The following EML1 variants were observed in gnomAD, a reference collection of about 807,000 sequenced individuals.
EML1 encodes the protein EMAP like 1.
A neutral mutation model predicts 110.4 loss-of-function variants in EML1; 27 were observed. The ratio of observed to expected loss-of-function variants is 0.24; its 90% CI spans 0.18 to 0.34. The LOEUF is 0.34. Ranked by LOEUF, EML1 falls within the 10% of genes least tolerant of loss-of-function variation. The pLI is 1.00. For synonymous variants in EML1, 344 were observed against 385.8 expected, an observed-to-expected ratio of 0.89 and a Z score of 1.27; for missense variants, 741 against 1,030.9, an observed-to-expected ratio of 0.72 and a Z score of 3.85.
intron 17 of EML1, among the ~76,000 whole-genome samples, chr14:99,935,821 A>G (rs975662338): frequency 6.7e-6 from 1 of 150,098 alleles, no homozygotes; most frequent in South Asian, 2.1e-4. Flanking sequence ...AACCTTTACC[A>G]GGTTTTATCA....
chr14:99,875,184 G>A (rs940528125), intron 3 of EML1, among the ~76,000 whole-genome samples: 5 of 152,036 alleles, frequency 3.3e-5, no homozygotes, highest in East Asian at 3.9e-4. Context: ...ATACTTTGGC[G>A]GTTCATAAAT....
chr14:99,760,970 A>G (rs1275832126), intron 1 of EML1, among the ~76,000 whole-genome samples: 5 of 151,962 alleles, frequency 3.3e-5, no homozygotes, highest in African/African-American at 1.2e-4. Context: ...GAGAAAGAAA[A>G]ACAGAACCAC....
In EML1 at chr14:99,894,694, G is replaced by C. The variant is rs1284407294; in HGVS notation, c.613G>C (p.Val205Leu). The C allele has an allele frequency of 1.2e-6, 2 of 1,613,692 alleles. No homozygotes were observed. Among genetic ancestry groups the C allele is most frequent in the Non-Finnish European group, 1.7e-6 (2 of 1,179,880 alleles). Residue 205 changes from valine (V) to leucine (L), a missense_variant, in exon 6 of 22, where the codon GTG (valine) becomes CTG (leucine). Transcript: ENST00000262233. Reference protein sequence around the residue: ...PVTMYMPKDQVDSYSLEAKVE... With the variant: ...PVTMYMPKDQLDSYSLEAKVE... Reference sequence around the variant, plus strand: ...TACCATGTACATGCCCAAAGATCAAGTGGATTCTTACAGCTTGGAAGCAAA... The same window carrying C: ...TACCATGTACATGCCCAAAGATCAACTGGATTCTTACAGCTTGGAAGCAAA...
rs540962195 is a variant in EML1 at position 99,936,209 on chromosome 14, A to G, written c.2008-38A>G. ...TGGAACAGTGTTGGCAGGGACTTCT[A>G]AGGCCAATGAAATGAAGACAGTGTT... On this transcript the variant is annotated intron_variant, in intron 18 of 21. Coordinates refer to ENST00000262233, the MANE Select transcript of EML1 (RefSeq NM_004434.3). The surrounding 1 kb of genome is among the most constrained non-coding windows in gnomAD (Gnocchi z 5.5). 1.2e-5 allele frequency: 20 copies of G among 1,612,834 alleles called. 1 individual carries two copies. Among genetic ancestry groups the G allele is most frequent in the Middle Eastern group, 1.7e-4 (1 of 6,058 alleles).
intron 13 of EML1, among the ~76,000 whole-genome samples, chr14:99,911,820 C>T (rs1169484328): frequency 2.0e-5 from 3 of 152,018 alleles, no homozygotes; most frequent in African/African-American, 7.2e-5. Context: ...TCTCAATTTT[C>T]CAAGGGACTG....
chr14:99,778,129 A>G (rs1432987565), intron 1 of EML1, among the ~76,000 whole-genome samples: 1 of 152,144 alleles, frequency 6.6e-6, no homozygotes, highest in Non-Finnish European at 1.5e-5. Context: ...TTAATCTGTT[A>G]ATGTCCTGCC....
Position 99,749,009 on chromosome 14 carries a change from G to A in EML1, c.28+11149G>A, listed in dbSNP as rs139259306. On this transcript the variant is annotated intron_variant, in intron 1 of 10. Transcript: ENST00000554479. ...TCCATCTTCATTCATTCCTATTGCC[G>A]ATTAATACCCCAGCATATGGATATA... 2.1e-3 allele frequency among the ~76,000 whole-genome samples: 325 copies of A among 152,240 alleles called. 1 individual carries two copies. Among genetic ancestry groups the A allele is most frequent in the South Asian group, 0.016 (77 of 4,826 alleles).
At chr14:99,937,124 C>T (rs1283752686) in intron 19 of EML1, among the ~76,000 whole-genome samples, 1 of 152,226 alleles carries the variant, frequency 6.6e-6, no homozygotes, top group African/African-American at 2.4e-5. Flanking sequence ...GTCACACTCA[C>T]TTGAGCGTCC....
chr14:99,840,283 C>A (rs2058612640), intron 1 of EML1, among the ~76,000 whole-genome samples: 1 of 152,124 alleles, frequency 6.6e-6, no homozygotes. Context: ...TGTAAAAATT[C>A]TATGTGTATT....
chr14:99,897,048 T>A, intron 6 of EML1, 97 bp from the exon 7 acceptor site: 1 of 1,107,020 alleles, frequency 9.0e-7, no homozygotes, highest in Admixed American at 2.9e-5. Context: ...CTGATGGTAA[T>A]AGTTATATGG....
At chr14:99,788,423 T>C (rs1227067101), upstream of EML1, among the ~76,000 whole-genome samples, 1 of 152,178 alleles carries the variant, frequency 6.6e-6, no homozygotes, top group Non-Finnish European at 1.5e-5. Context: ...AATTGTCTAT[T>C]CCATTTCATG....
At chr14:99,841,661 G>T (rs966840785) in intron 1 of EML1, among the ~76,000 whole-genome samples, 2 of 152,174 alleles carry the variant, frequency 1.3e-5, no homozygotes, top group Non-Finnish European at 2.9e-5. Context: ...AAGGGTTGTT[G>T]GCAGAGGCTG....
At chr14:99,744,914 T>C (rs901999774) in intron 1 of EML1, among the ~76,000 whole-genome samples, 7 of 152,176 alleles carry the variant, frequency 4.6e-5, no homozygotes, top group African/African-American at 1.4e-4. Context: ...AAAACTGAGA[T>C]AGGAGTTTAG....
At chr14:99,901,806 G>T (rs979545200) in intron 9 of EML1, among the ~76,000 whole-genome samples, 1 of 152,102 alleles carries the variant, frequency 6.6e-6, no homozygotes, top group Admixed American at 6.5e-5. Flanking sequence ...TGTACCTTGT[G>T]CCAACCTCCA....
chr14:99,896,467 TG>T (rs1433769563), intron 6 of EML1, among the ~76,000 whole-genome samples: 1 of 152,206 alleles, frequency 6.6e-6, no homozygotes, highest in Non-Finnish European at 1.5e-5. Flanking sequence ...AAGTCAGTAG[TG>T]GTTTATTAAA....
Position 99,939,356 on chromosome 14 carries a change from A to T in EML1, c.2322+29A>T. On this transcript the variant is annotated intron_variant, in intron 21 of 21. Coordinates refer to ENST00000262233, the MANE Select transcript of EML1 (RefSeq NM_004434.3). The surrounding 1 kb of genome is among the most constrained non-coding windows in gnomAD (Gnocchi z 4.2). ...AAGGACTTGTTTCTTCACTAATCTT[A>T]TCCCCCATGGGGCATGCACGTACAC... The T allele has an allele frequency of 6.2e-7, 1 of 1,613,752 alleles. No individual in the cohort carries two copies. The highest frequency in any genetic ancestry group is 8.5e-7 in the Non-Finnish European group (1 of 1,179,812).
intron 1 of EML1, among the ~76,000 whole-genome samples, chr14:99,818,543 G>A (rs1333774454): frequency 1.3e-5 from 2 of 152,194 alleles, no homozygotes. Context: ...GGTGTGGGAA[G>A]AGGATTAGAG....
chr14:99,938,343 G>A (rs1158588492), intron 20 of EML1, among the ~76,000 whole-genome samples: 3 of 152,148 alleles, frequency 2.0e-5, no homozygotes, highest in Admixed American at 6.5e-5. Flanking sequence ...CTAAATTAAA[G>A]GGCTGCAAAT....
intron 1 of EML1, among the ~76,000 whole-genome samples, chr14:99,779,625 T>C (rs1039916368): frequency 6.6e-6 from 1 of 152,224 alleles, no homozygotes; most frequent in Admixed American, 6.5e-5. Context: ...CCTCTAGGTC[T>C]TTCCACAAGA....
Sources: allele counts gnomAD v4.1 joint callset (sites outside exome capture counted in the v4.1 genomes callset), GRCh38; gene constraint gnomAD v4.1.1; non-coding constraint Gnocchi (gnomAD v3.1); transcripts MANE v1.5; gene names NCBI Gene and HGNC (gene_info 2026-07-23, HGNC 2026-07-21).